ATP8A1: variants seen among roughly 807,000 people sequenced by gnomAD.
ATP8A1 encodes phospholipid-transporting ATPase IA.
In ATP8A1, 90 loss-of-function variants were observed where a neutral mutation model predicts 177.7. The ratio of observed to expected loss-of-function variants is 0.51; its 90% confidence interval spans 0.43 to 0.60. The LOEUF is 0.60. Among genes scored for constraint, ATP8A1 ranks in the 20% least tolerant of loss-of-function variants. The pLI, the probability that ATP8A1 is intolerant of heterozygous loss-of-function variation, is 0.00. For missense variants in ATP8A1, 1,072 were observed against 1,392.8 expected, an observed-to-expected ratio of 0.77 and a Z score of 3.67; for synonymous variants, 493 against 485.9, an observed-to-expected ratio of 1.01 and a Z score of -0.19.
chr4:42,620,325 T>C (rs12643367), intron 4 of ATP8A1, among the ~76,000 whole-genome samples: 27,184 of 152,232 alleles, frequency 0.18, 2,625 homozygotes, highest in Non-Finnish European at 0.21. Context: ...AGTGATTTCA[T>C]TGGAAAACTA....
chr4:42,558,862 A>G (rs1185624294), intron 15 of ATP8A1, among the ~76,000 whole-genome samples: 1 of 152,238 alleles, frequency 6.6e-6, no homozygotes, highest in Admixed American at 6.5e-5. Context: ...ATAAATCTAA[A>G]TATTTCTGCA....
At position 42,638,942 on chromosome 4, in the gene ATP8A1, T is replaced by C. The variant is rs376026497; in HGVS notation, c.50-11833A>G. On this transcript the variant is annotated intron_variant, in intron 1 of 36. Coordinates refer to ENST00000381668, the MANE Select transcript of ATP8A1 (RefSeq NM_006095.2). Reference sequence around the variant, plus strand: ...AATCCAAGCAAAAGTGGTAAAGTAGTAATGATACTCTTCAAAAAATAACTG... The same window carrying C: ...AATCCAAGCAAAAGTGGTAAAGTAGCAATGATACTCTTCAAAAAATAACTG... 2.6e-5 allele frequency among the ~76,000 whole-genome samples: 4 copies of C among 152,340 alleles called. No homozygotes were observed. In the East Asian group the frequency reaches 7.7e-4, roughly 29 times the overall value.
chr4:42,497,233 T>C (rs1723371869), intron 24 of ATP8A1, among the ~76,000 whole-genome samples: 2 of 152,194 alleles, frequency 1.3e-5, no homozygotes, highest in African/African-American at 4.8e-5. Flanking sequence ...TCAAAGTCTC[T>C]ATCTGGAACT....
intron 25 of ATP8A1, among the ~76,000 whole-genome samples, chr4:42,473,521 C>T (rs1486914001): frequency 6.6e-6 from 1 of 152,206 alleles, no homozygotes; most frequent in Admixed American, 6.5e-5. Context: ...AGCTTGGTCT[C>T]AGAGTGGCCT....
intron 27 of ATP8A1, among the ~76,000 whole-genome samples, chr4:42,456,132 A>G (rs1718459079): frequency 6.6e-6 from 1 of 152,052 alleles, no homozygotes; most frequent in Admixed American, 6.6e-5. Flanking sequence ...ACTCTGCTCC[A>G]CCCCCTTAAT....
chr4:42,445,446 A>G (rs923077067), intron 31 of ATP8A1, among the ~76,000 whole-genome samples: 6 of 152,158 alleles, frequency 3.9e-5, no homozygotes, highest in African/African-American at 1.4e-4. Flanking sequence ...AAATACTCAG[A>G]ACAGTGATTA....
chr4:42,596,615 C>A (rs1017338022), intron 6 of ATP8A1, among the ~76,000 whole-genome samples: 9 of 142,126 alleles, frequency 6.3e-5, no homozygotes, highest in African/African-American at 1.9e-4. Flanking sequence ...TGCAGTGAGC[C>A]GAGATTGCGC....
intron 24 of ATP8A1, among the ~76,000 whole-genome samples, chr4:42,501,179 GA>G (rs1308699403): frequency 1.3e-5 from 2 of 152,030 alleles, no homozygotes; most frequent in African/African-American, 4.8e-5. Context: ...CCACCTTAGG[GA>G]AAAAAGTAAA....
At chr4:42,428,853 C>T (rs1170868226) in intron 33 of ATP8A1, among the ~76,000 whole-genome samples, 2 of 152,162 alleles carry the variant, frequency 1.3e-5, no homozygotes, top group East Asian at 1.9e-4. Context: ...GGCCTTTGCA[C>T]CTGTGATGCC....
intron 20 of ATP8A1, among the ~76,000 whole-genome samples, chr4:42,527,803 TC>T (rs901722462): frequency 2.0e-5 from 3 of 152,152 alleles, no homozygotes; most frequent in Non-Finnish European, 2.9e-5. Context: ...TCACAGTCCC[TC>T]AATCAATTTC....
intron 18 of ATP8A1, among the ~76,000 whole-genome samples, chr4:42,550,461 T>G (rs1729391667): frequency 6.6e-6 from 1 of 152,216 alleles, no homozygotes; most frequent in Non-Finnish European, 1.5e-5. Context: ...GCTATATAAC[T>G]ATGAGCACAA....
chr4:42,555,713 C>T (rs935563819), intron 16 of ATP8A1, among the ~76,000 whole-genome samples: 2 of 152,188 alleles, frequency 1.3e-5, no homozygotes, highest in South Asian at 4.2e-4. Flanking sequence ...ATCCCAGCTA[C>T]TGGGGAGGCT....
chr4:42,588,937 C>G (rs1309260141), intron 7 of ATP8A1, among the ~76,000 whole-genome samples: 1 of 152,194 alleles, frequency 6.6e-6, no homozygotes, highest in Non-Finnish European at 1.5e-5. Flanking sequence ...TCCACTCCTG[C>G]TCTCCTATTA....
intron 1 of ATP8A1, among the ~76,000 whole-genome samples, chr4:42,633,565 C>T (rs1738965947): frequency 6.6e-6 from 1 of 152,108 alleles, no homozygotes; most frequent in Non-Finnish European, 1.5e-5. Flanking sequence ...AATTACAGAA[C>T]ATGGTAAGAA....
chr4:42,589,441 T>A (rs1733940844), intron 7 of ATP8A1, among the ~76,000 whole-genome samples: 1 of 152,210 alleles, frequency 6.6e-6, no homozygotes, highest in South Asian at 2.1e-4. Context: ...GTTTCAGAAA[T>A]GGGCATGTAG....
At position 42,586,363 on chromosome 4, in the gene ATP8A1, C is replaced by A. The variant is rs1441543384; in HGVS notation, c.708G>T (p.Arg236Ser). 6.2e-7 allele frequency: 1 copy of A among 1,613,980 alleles called. No homozygotes were observed. Among genetic ancestry groups the A allele is most frequent in the South Asian group, 1.1e-5 (1 of 91,038 alleles). The change falls in exon 9 of 37, where the codon AGG becomes AGT. Residue 236 changes from arginine to serine, a missense_variant. By Grantham distance (110) the Arg-to-Ser change is moderately radical (BLOSUM62 -1). This residue lies in a region of ATP8A1 where 344 missense variants were observed against 393.5 expected (regional missense o/e 0.87). Coordinates refer to ENST00000381668, the MANE Select transcript of ATP8A1 (RefSeq NM_006095.2). ...ATTTTACATACCCATGTCCATCAAG[C>A]CTTATGTTTCCAACAAAATCGTAGA... The part of the protein sequence containing the change: ...RHLYDFVGNI[R>S]LDGHGTVPLG...
At chr4:42,526,186 C>T (rs760073737) in intron 20 of ATP8A1, among the ~76,000 whole-genome samples, 30 of 151,308 alleles carry the variant, frequency 2.0e-4, no homozygotes, top group Admixed American at 3.3e-4. Flanking sequence ...AAGACACTGA[C>T]GTTTAGAATG....
At chr4:42,598,583 C>T (rs1027451615) in intron 6 of ATP8A1, among the ~76,000 whole-genome samples, 8 of 152,036 alleles carry the variant, frequency 5.3e-5, no homozygotes, top group Non-Finnish European at 1.0e-4. Context: ...TATATTACTT[C>T]ATAATTTGGA....
intron 5 of ATP8A1, among the ~76,000 whole-genome samples, chr4:42,604,065 A>G (rs953228327): frequency 6.6e-6 from 1 of 152,126 alleles, no homozygotes; most frequent in Non-Finnish European, 1.5e-5. Flanking sequence ...TGCCCTCTGT[A>G]GTGAGCGCAC....
Sources: gnomAD v4.1 joint callset for allele counts (sites outside exome capture counted in the v4.1 genomes callset) on GRCh38, gnomAD v4.1.1 for gene constraint, gnomAD v4.1.1 regional missense constraint, MANE v1.5 for transcripts, NCBI Gene and HGNC (gene_info 2026-07-23, HGNC 2026-07-21) for gene names.